The following DCC variants were observed in gnomAD, a reference collection of about 807,000 sequenced individuals.
The protein encoded by DCC is DCC netrin 1 receptor, also known as netrin receptor DCC.
Under a neutral mutation model 172.5 loss-of-function variants are expected in DCC, and 58 were observed. The ratio of observed to expected loss-of-function variants is 0.34; its 90% CI spans 0.27 to 0.42. The LOEUF (loss-of-function observed/expected upper bound fraction) is 0.42, where lower values mean the gene tolerates loss of function less well. DCC is among the 10% of genes least tolerant of loss of function. DCC has a pLI of 1.00. For synonymous variants in DCC, 709 were observed against 644.5 expected (o/e 1.10, Z -1.52); for missense variants, 1,740 against 1,791.0 (o/e 0.97, Z 0.51).
chr18:52,743,809 A>T (rs2036864110), intron 1 of DCC, among the ~76,000 whole-genome samples: 1 of 152,206 alleles, frequency 6.6e-6, no homozygotes, highest in African/African-American at 2.4e-5. Flanking sequence ...TATATTTCCA[A>T]ATTTAGTTCC....
At chr18:52,461,073 A>T (rs1301154329) in intron 1 of DCC, among the ~76,000 whole-genome samples, 1 of 152,212 alleles carries the variant, frequency 6.6e-6, no homozygotes. Context: ...TTAGCTTAAA[A>T]CACAAACACA....
chr18:52,739,723 G>A lies in DCC; in HGVS notation c.92-12331G>A, dbSNP rs143219299. Among the ~76,000 whole-genome samples, 988 of 152,318 alleles carry A rather than the reference G, an allele frequency of 6.5e-3. 9 individuals carry two copies. The highest frequency in any genetic ancestry group is 0.023 in the African/African-American group (955 of 41,586). ...TACCGGAAATCACACCATGTCAGAG[G>A]CCATGTGAATGCCGTCGGCACTGGC... On this transcript the variant is annotated intron_variant, in intron 1 of 28. Transcript: ENST00000442544.
intron 7 of DCC, among the ~76,000 whole-genome samples, chr18:53,091,618 A>AAG (rs1244378343): frequency 6.6e-6 from 1 of 151,146 alleles, no homozygotes; most frequent in Non-Finnish European, 1.5e-5. Context: ...GTACGGTGCA[A>AAG]AGAGAGAGAG....
intron 1 of DCC, among the ~76,000 whole-genome samples, chr18:52,355,250 T>G (rs1598856789): frequency 6.6e-6 from 1 of 151,830 alleles, no homozygotes; most frequent in South Asian, 2.1e-4. Flanking sequence ...AAACTTCTTG[T>G]GTTTCAAAGC....
intron 7 of DCC, among the ~76,000 whole-genome samples, chr18:53,148,895 G>A (rs532453984): frequency 3.3e-5 from 3 of 91,216 alleles, no homozygotes; most frequent in East Asian, 3.2e-4. Context: ...ACAAAGTCTC[G>A]CTCTGTTGCC....
At chr18:52,863,753 G>A (rs1257976224) in intron 2 of DCC, among the ~76,000 whole-genome samples, 1 of 151,704 alleles carries the variant, frequency 6.6e-6, no homozygotes, top group Non-Finnish European at 1.5e-5. Context: ...ACTATGTTTG[G>A]TAAATTTCAT....
At chr18:53,229,976 C>T (rs1370697378) in intron 12 of DCC, among the ~76,000 whole-genome samples, 1 of 152,120 alleles carries the variant, frequency 6.6e-6, no homozygotes, top group African/African-American at 2.4e-5. Context: ...AATAATTATT[C>T]TACCTGGCTA....
intron 5 of DCC, among the ~76,000 whole-genome samples, chr18:53,035,047 GA>G (rs1282824184): frequency 6.6e-6 from 1 of 151,742 alleles, no homozygotes; most frequent in African/African-American, 2.4e-5. Flanking sequence ...AAAATTTATT[GA>G]TATATAATAG....
At chr18:52,824,718 C>T (rs954764338) in intron 2 of DCC, among the ~76,000 whole-genome samples, 2 of 152,114 alleles carry the variant, frequency 1.3e-5, no homozygotes, top group Non-Finnish European at 2.9e-5. Context: ...CTCCTGTAAT[C>T]CCAGCACTTT....
At chr18:53,487,017 T>A in intron 26 of DCC, 59 bp downstream of exon 26, 1 of 1,605,532 alleles carries the variant, frequency 6.2e-7, no homozygotes, top group Non-Finnish European at 8.5e-7. Context: ...AGGTGTCTTG[T>A]AAAATATGTT....
At chr18:52,655,011 G>A (rs1484594104) in intron 1 of DCC, among the ~76,000 whole-genome samples, 1 of 152,184 alleles carries the variant, frequency 6.6e-6, no homozygotes, top group Non-Finnish European at 1.5e-5. Flanking sequence ...GCTGAATTGT[G>A]GAACTGAAGT....
intron 27 of DCC, among the ~76,000 whole-genome samples, chr18:53,515,647 C>T (rs2046324475): frequency 6.8e-6 from 1 of 147,280 alleles, no homozygotes; most frequent in Non-Finnish European, 1.5e-5. Context: ...CATTCTTATA[C>T]ACCAACAACA....
intron 2 of DCC, among the ~76,000 whole-genome samples, chr18:52,838,196 T>G (rs767875436): frequency 6.6e-6 from 1 of 152,198 alleles, no homozygotes; most frequent in Non-Finnish European, 1.5e-5. Context: ...TATTTGTCCT[T>G]ATTTTTAAAC....
rs552788735 is a variant in DCC, at chr18:53,450,007, C to G, written c.3230-493C>G. Among the ~76,000 whole-genome samples the G allele has an allele frequency of 2.6e-5, 4 of 151,982 alleles. No individual in the cohort carries two copies. In the South Asian group the frequency reaches 8.3e-4, roughly 32 times the overall value. ...TAAATAGAATCATATAATATATGTC[C>G]TTTTGTGTCTGGCTTCTCTCACTTA... On this transcript the variant is annotated intron_variant, in intron 22 of 28. Transcript: ENST00000442544.
intron 1 of DCC, among the ~76,000 whole-genome samples, chr18:52,610,753 C>T (rs913962219): frequency 6.6e-6 from 1 of 152,066 alleles, no homozygotes; most frequent in Non-Finnish European, 1.5e-5. Context: ...GGCTATGTTT[C>T]AATAAAATCT....
At position 53,533,248 on chromosome 18, in the gene DCC, G is replaced by C. The variant is rs917602158; in HGVS notation, c.*2595G>C. On this transcript the variant is annotated 3_prime_UTR_variant, in exon 29 of 29. Transcript: ENST00000442544. ...GATCTCTTGACAAGAAGAAACCTGT[G>C]AATACTGCAAACTAGCCTCTGACTT... 1 of 152,068 alleles carries C rather than the reference G, an allele frequency of 6.6e-6. No homozygotes were observed. Among genetic ancestry groups the C allele is most frequent in the African/African-American group, 2.4e-5 (1 of 41,408 alleles). 9.4% of individuals were successfully genotyped at this position (152,068 alleles called of 1,614,324 possible). A position where few individuals can be genotyped will look rare whatever the true frequency, so the allele number is the denominator to read the frequency against.
At position 52,752,390 on chromosome 18, in the gene DCC, C is replaced by A. The variant is rs1247359813; in HGVS notation, c.412+16C>A. On this transcript the variant is annotated intron_variant, in intron 2 of 28. Coordinates refer to ENST00000442544, the MANE Select transcript of DCC (RefSeq NM_005215.4). ...GCAGTAGCAGGTAGGTGGATTCTTC[C>A]TTCTCTTCCTCCTCCTCCTTCCTCT... 6.3e-7 allele frequency: 1 copy of A among 1,582,042 alleles called. No individual in the cohort carries two copies. Among genetic ancestry groups the A allele is most frequent in the African/African-American group, 1.3e-5 (1 of 74,344 alleles).
intron 1 of DCC, among the ~76,000 whole-genome samples, chr18:52,734,683 G>A (rs922792692): frequency 3.9e-5 from 6 of 152,028 alleles, no homozygotes; most frequent in Admixed American, 2.0e-4. Context: ...AGTAAAAAAT[G>A]TTCACTCCTT....
At chr18:52,620,654 A>G (rs960357595) in intron 1 of DCC, among the ~76,000 whole-genome samples, 3 of 142,348 alleles carry the variant, frequency 2.1e-5, no homozygotes, top group African/African-American at 7.5e-5. Context: ...TTTTAGTTAT[A>G]GCAAATGTAA....
Sources: gnomAD v4.1 joint callset for allele counts (sites outside exome capture counted in the v4.1 genomes callset) on GRCh38, gnomAD v4.1.1 for gene constraint, MANE v1.5 for transcripts, NCBI Gene and HGNC (gene_info 2026-07-23, HGNC 2026-07-21) for gene names.